Variants in MYH15 observed in about 807,000 individuals in gnomAD.
MYH15 encodes myosin heavy chain 15.
A neutral mutation model predicts 240.5 loss-of-function variants in MYH15; 227 were observed. The observed-to-expected ratio is 0.94, with a 90% CI of 0.85 to 1.05. The LOEUF is 1.05. Among genes scored for constraint, MYH15 ranks in the 50% least tolerant of loss-of-function variants. MYH15 has a pLI of 0.00. For missense variants in MYH15, 2,217 were observed against 2,247.5 expected, an observed-to-expected ratio of 0.99 and a Z score of 0.27; for synonymous variants, 785 against 796.7, an observed-to-expected ratio of 0.99 and a Z score of 0.25.
rs1473437101 is a variant in MYH15, at chr3:108,441,024, C to T, written c.2892G>A (p.Glu964=). Residue 964 remains glutamate, a synonymous_variant, in exon 23 of 41, where the codon GAG becomes GAA. Transcript: ENST00000693548. ...VKSEKEKRTT[E]HKVKNLTEEV... Reference sequence around the variant, plus strand: ...AACATTATGGAAAAAGTACCTTGTGCTCTGTAGTACGCTTCTCCTTCTCTG... The same window carrying T: ...AACATTATGGAAAAAGTACCTTGTGTTCTGTAGTACGCTTCTCCTTCTCTG... 6.2e-7 allele frequency: 1 copy of T among 1,614,100 alleles called. No individual in the cohort carries two copies. The highest frequency in any genetic ancestry group is 1.7e-5 in the Admixed American group (1 of 60,024).
intron 14 of MYH15, among the ~76,000 whole-genome samples, chr3:108,466,506 C>A (rs1210031451): frequency 2.0e-5 from 3 of 152,100 alleles, no homozygotes; most frequent in Non-Finnish European, 4.4e-5. Context: ...CTGGGAAAAA[C>A]CAGGAGGGGC....
At chr3:108,413,519 A>T (rs1277792550) in intron 30 of MYH15, among the ~76,000 whole-genome samples, 1 of 152,204 alleles carries the variant, frequency 6.6e-6, no homozygotes, top group African/African-American at 2.4e-5. Flanking sequence ...TTGAATGATT[A>T]TAAGCTGGGG....
At position 108,391,741 on chromosome 3, in the gene MYH15, T is replaced by G; in HGVS notation, c.5430+19A>C. The G allele has an allele frequency of 6.2e-7, 1 of 1,609,154 alleles. No homozygotes were observed. The highest frequency in any genetic ancestry group is 8.5e-7 in the Non-Finnish European group (1 of 1,178,038). ...TGAATTGGGGACTGTCAAGCCCTCA[T>G]GATTACCCAGACTCCTACCCTGGAT... On this transcript the variant is annotated intron_variant, in intron 37 of 40. Coordinates refer to ENST00000693548, the MANE Select transcript of MYH15 (RefSeq NM_014981.3).
intron 29 of MYH15, 80 bp from the exon 30 acceptor site, chr3:108,414,508 T>C (rs2082619410): frequency 7.8e-7 from 1 of 1,276,404 alleles, no homozygotes; most frequent in East Asian, 2.5e-5. Flanking sequence ...ATTTTTTTTT[T>C]AGGTAAGATT....
At chr3:108,477,393 G>A (rs1247679465) in intron 11 of MYH15, among the ~76,000 whole-genome samples, 1 of 152,186 alleles carries the variant, frequency 6.6e-6, no homozygotes. Context: ...TCCGGAATTA[G>A]ATAGTGGTGG....
At chr3:108,476,284 A>G (rs1429731804) in intron 12 of MYH15, 113 bp downstream of exon 12, 3 of 639,592 alleles carry the variant, frequency 4.7e-6, no homozygotes, top group Non-Finnish European at 7.8e-6. Flanking sequence ...TTGCTTATTT[A>G]TAGAAGCTTT....
intron 31 of MYH15, 96 bp from the exon 32 acceptor site, chr3:108,408,500 G>A: frequency 2.5e-6 from 3 of 1,213,706 alleles, no homozygotes; most frequent in Non-Finnish European, 3.4e-6. Flanking sequence ...CACTGGAACA[G>A]TGACCTCATG....
chr3:108,443,357 G>GTAA (rs928030472), intron 22 of MYH15, among the ~76,000 whole-genome samples: 1 of 152,066 alleles, frequency 6.6e-6, no homozygotes, highest in Admixed American at 6.5e-5. Flanking sequence ...ATATTAAAAA[G>GTAA]TAATAATAAT....
At chr3:108,510,970 A>AT (rs891588170), upstream of MYH15, among the ~76,000 whole-genome samples, 30 of 152,232 alleles carry the variant, frequency 2.0e-4, no homozygotes, top group South Asian at 1.2e-3. Flanking sequence ...GATTTTTAAT[A>AT]TTTTTTTGTG....
intron 14 of MYH15, among the ~76,000 whole-genome samples, chr3:108,467,833 A>T (rs1331997239): frequency 6.6e-6 from 1 of 151,624 alleles, no homozygotes; most frequent in Non-Finnish European, 1.5e-5. Flanking sequence ...TTCAAGTAAT[A>T]AAATAAGTAT....
At chr3:108,407,583 C>CT (rs1320192399) in intron 32 of MYH15, among the ~76,000 whole-genome samples, 1 of 152,282 alleles carries the variant, frequency 6.6e-6, no homozygotes, top group East Asian at 1.9e-4. Context: ...TTTTCCTGAA[C>CT]TGTGAATCCA....
intron 12 of MYH15, among the ~76,000 whole-genome samples, chr3:108,475,218 T>C (rs577610808): frequency 4.6e-4 from 70 of 152,232 alleles, no homozygotes; most frequent in Admixed American, 1.4e-3. Context: ...AGTAAGACAA[T>C]CAGTATCACC....
At chr3:108,484,954 G>A (rs757353381) in intron 11 of MYH15, 137 bp downstream of exon 11, 17 of 907,356 alleles carry the variant, frequency 1.9e-5, no homozygotes, top group Admixed American at 8.0e-5. Flanking sequence ...TGACAGAACC[G>A]TTTTTGAAGA....
In MYH15 at chr3:108,417,227, C is replaced by A. The variant is rs1192706284; in HGVS notation, c.3830-297G>T. ...GCTCTAGGTACTTAACGTATGTTATCTAGTTTAATTTTCATAACTCCTTGA... is the reference window on the plus strand; with the variant it reads ...GCTCTAGGTACTTAACGTATGTTATATAGTTTAATTTTCATAACTCCTTGA... On this transcript the variant is annotated intron_variant, in intron 28 of 40. Coordinates refer to ENST00000693548, the MANE Select transcript of MYH15 (RefSeq NM_014981.3). Among the ~76,000 whole-genome samples, 23 of 152,096 alleles carry A rather than the reference C, an allele frequency of 1.5e-4. 1 individual carries two copies. Among genetic ancestry groups the A allele is most frequent in the Admixed American group, 1.5e-3 (23 of 15,264 alleles).
intron 8 of MYH15, among the ~76,000 whole-genome samples, chr3:108,492,906 T>A (rs1036188109): frequency 4.0e-5 from 6 of 150,730 alleles, no homozygotes; most frequent in African/African-American, 1.5e-4. Context: ...GCCATGATCA[T>A]GCCACGGCAC....
Position 108,501,767 on chromosome 3 carries a change from T to G in MYH15, c.284A>C (p.Asn95Thr), listed in dbSNP as rs528646816. 1.9e-6 allele frequency: 3 copies of G among 1,613,968 alleles called. No homozygotes were observed. The highest frequency in any genetic ancestry group is 3.3e-5 in the Admixed American group (2 of 59,998). ...CAGGGTATGCAGCACGGATGCCTCA[T>G]TGAGGTGAGTCAGCATTGCCATGTC... ...IEDMAMLTHL[N>T]EASVLHTLKR... The change falls in exon 3 of 41, where the codon AAT (asparagine) becomes ACT (threonine). Residue 95 changes from asparagine to threonine, a missense_variant. By Grantham distance (65) the Asn-to-Thr change is moderately conservative. Coordinates refer to ENST00000693548, the MANE Select transcript of MYH15 (RefSeq NM_014981.3).
chr3:108,465,092 A>C (rs1208376222), intron 14 of MYH15, among the ~76,000 whole-genome samples: 1 of 152,216 alleles, frequency 6.6e-6, no homozygotes, highest in Non-Finnish European at 1.5e-5. Flanking sequence ...GACAGTAGGC[A>C]AGTAAACAAA....
chr3:108,474,742 T>C (rs980789312), intron 12 of MYH15, among the ~76,000 whole-genome samples: 1 of 152,202 alleles, frequency 6.6e-6, no homozygotes, highest in African/African-American at 2.4e-5. Context: ...TTGTGGTGAA[T>C]GTCTAAGAAG....
intron 28 of MYH15, 92 bp from the exon 29 acceptor site, chr3:108,417,022 G>C (rs2082639787): frequency 6.4e-6 from 6 of 937,058 alleles, no homozygotes; most frequent in Middle Eastern, 2.2e-4. Flanking sequence ...TAGCCAGAAT[G>C]ACTCCTACCC....
Sources: allele counts gnomAD v4.1 joint callset (sites outside exome capture counted in the v4.1 genomes callset), GRCh38; gene constraint gnomAD v4.1.1; transcripts MANE v1.5; gene names NCBI Gene and HGNC (gene_info 2026-07-23, HGNC 2026-07-21).